Variants in MAGI2 observed in about 807,000 individuals in gnomAD.
MAGI2 encodes the protein membrane associated guanylate kinase, WW and PDZ domain containing 2.
Under a neutral mutation model 133.3 loss-of-function variants are expected in MAGI2, and 35 were observed. That is an observed-to-expected ratio of 0.26 (90% CI 0.20 to 0.35). The LOEUF is 0.35. Ranked by LOEUF, MAGI2 falls within the 10% of genes least tolerant of loss-of-function variation. MAGI2 has a pLI of 1.00. For synonymous variants in MAGI2, 729 were observed against 710.6 expected (o/e 1.03, Z -0.41); for missense variants, 1,636 against 1,863.4 (o/e 0.88, Z 2.25).
At chr7:79,342,394 T>C (rs1840968414) in intron 1 of MAGI2, among the ~76,000 whole-genome samples, 1 of 152,214 alleles carries the variant, frequency 6.6e-6, no homozygotes, top group South Asian at 2.1e-4. Flanking sequence ...TTCAAAACTG[T>C]AGTTGAAGAC....
intron 2 of MAGI2, among the ~76,000 whole-genome samples, chr7:78,882,495 T>TCC (rs897685995): frequency 1.3e-5 from 2 of 151,790 alleles, no homozygotes; most frequent in Admixed American, 1.3e-4. Context: ...AAAAGGGACT[T>TCC]CCCCCTAACT....
intron 3 of MAGI2, among the ~76,000 whole-genome samples, chr7:78,565,654 C>T (rs370046156): frequency 6.6e-6 from 1 of 152,040 alleles, no homozygotes; most frequent in Non-Finnish European, 1.5e-5. Flanking sequence ...ATAGACAACA[C>T]AGCCTTACTA....
At chr7:79,184,784 T>C (rs1241211391) in intron 1 of MAGI2, among the ~76,000 whole-genome samples, 3 of 151,886 alleles carry the variant, frequency 2.0e-5, no homozygotes, top group African/African-American at 7.3e-5. Context: ...AATATTCTCA[T>C]TGCTGTTTAA....
chr7:78,254,034 C>T (rs1041910682), intron 10 of MAGI2: 2 of 152,184 alleles, frequency 1.3e-5, no homozygotes, highest in African/African-American at 4.8e-5. Flanking sequence ...TCACAGCATT[C>T]TGCATTTTGC....
At chr7:78,099,272 A>T (rs900326338) in intron 20 of MAGI2, among the ~76,000 whole-genome samples, 3 of 152,196 alleles carry the variant, frequency 2.0e-5, no homozygotes, top group African/African-American at 7.2e-5. Flanking sequence ...TATTCATATA[A>T]ATCAAAGTTC....
intron 2 of MAGI2, among the ~76,000 whole-genome samples, chr7:78,923,606 A>G (rs564819315): frequency 6.6e-6 from 1 of 152,116 alleles, no homozygotes; most frequent in African/African-American, 2.4e-5. Context: ...GCCTTGTAGT[A>G]TAGTTTGAAG....
chr7:78,111,954 G>A (rs1310425448), intron 20 of MAGI2, among the ~76,000 whole-genome samples: 2 of 152,202 alleles, frequency 1.3e-5, no homozygotes, highest in Non-Finnish European at 2.9e-5. Flanking sequence ...CCCTCGAAAT[G>A]ATCTACCTGA....
chr7:78,732,491 C>A (rs567416539), intron 2 of MAGI2, among the ~76,000 whole-genome samples: 2 of 152,170 alleles, frequency 1.3e-5, no homozygotes, highest in East Asian at 3.9e-4. Context: ...ATTACACATA[C>A]TAAATCTGCA....
rs536430712 is a variant in MAGI2, at chr7:78,302,245, C to T, written c.1408+41533G>A. ...TTTCACATTCTTATTCAGTCATATG[C>T]CAAACTCAGTAGACTATGGAAAAGT... On this transcript the variant is annotated intron_variant, in intron 9 of 21. Transcript: ENST00000354212. Among the ~76,000 whole-genome samples, 23 of 152,246 alleles carry T rather than the reference C, an allele frequency of 1.5e-4. 1 individual carries two copies. The South Asian group carries it at 4.6e-3, about 30-fold the overall frequency.
intron 3 of MAGI2, among the ~76,000 whole-genome samples, chr7:78,610,551 G>A (rs145702300): frequency 3.3e-5 from 5 of 152,130 alleles, no homozygotes; most frequent in Admixed American, 6.5e-5. Flanking sequence ...TTGGTTCCAC[G>A]GTCTAAGAAG....
At chr7:78,964,772 T>C (rs1023768573) in intron 2 of MAGI2, among the ~76,000 whole-genome samples, 4 of 151,962 alleles carry the variant, frequency 2.6e-5, no homozygotes, top group African/African-American at 9.7e-5. Flanking sequence ...GGAACAGAAA[T>C]GAAATGACTT....
chr7:78,489,884 G>T, intron 5 of MAGI2, 44 bp from the exon 6 acceptor site: 2 of 1,358,542 alleles, frequency 1.5e-6, no homozygotes, highest in Non-Finnish European at 2.0e-6. Context: ...ATACTAAAAG[G>T]AATCAAGTTT....
intron 3 of MAGI2, among the ~76,000 whole-genome samples, chr7:78,624,451 G>T (rs554592970): frequency 6.6e-6 from 1 of 152,200 alleles, no homozygotes; most frequent in East Asian, 1.9e-4. Flanking sequence ...ATATACCATG[G>T]AATACTATGC....
In MAGI2 at chr7:78,855,910, G is replaced by A. The variant is rs540310657; in HGVS notation, c.418+151180C>T. ...TTCCTGTTTCTCCACATCCTCTACA[G>A]CACCTGTTGTTTCCTGACTTTTCAA... On this transcript the variant is annotated intron_variant, in intron 2 of 21. Transcript: ENST00000354212. Among the ~76,000 whole-genome samples, 4 of 152,298 alleles carry A rather than the reference G, an allele frequency of 2.6e-5. No homozygotes were observed. In the South Asian group the frequency reaches 8.3e-4, roughly 32 times the overall value.
intron 3 of MAGI2, among the ~76,000 whole-genome samples, chr7:78,600,698 A>T (rs779488784): frequency 4.6e-5 from 7 of 152,148 alleles, no homozygotes; most frequent in Non-Finnish European, 1.0e-4. Flanking sequence ...AGCATCGGTG[A>T]ATTTAATAAA....
chr7:79,020,769 A>G (rs1251833926), intron 1 of MAGI2, among the ~76,000 whole-genome samples: 1 of 151,842 alleles, frequency 6.6e-6, no homozygotes, highest in Non-Finnish European at 1.5e-5. Flanking sequence ...CTGTCTTAAA[A>G]AAAAAAAAAG....
intron 21 of MAGI2, among the ~76,000 whole-genome samples, chr7:78,050,764 C>T (rs571023952): frequency 1.3e-5 from 2 of 152,260 alleles, no homozygotes; most frequent in Middle Eastern, 3.4e-3. Context: ...CTCTAGTTCT[C>T]ATTCTGCCTG....
At chr7:78,149,907 T>G (rs1446982692) in intron 16 of MAGI2, among the ~76,000 whole-genome samples, 1 of 152,068 alleles carries the variant, frequency 6.6e-6, no homozygotes, top group Non-Finnish European at 1.5e-5. Context: ...AAAATGAAAA[T>G]GGCAATGGCA....
At chr7:78,029,150 C>A (rs1259222820) in intron 21 of MAGI2, among the ~76,000 whole-genome samples, 1 of 152,062 alleles carries the variant, frequency 6.6e-6, no homozygotes. Flanking sequence ...CTGAAGATAC[C>A]AAACCCTTTC....
Sources: gnomAD v4.1 joint callset for allele counts (sites outside exome capture counted in the v4.1 genomes callset) on GRCh38, gnomAD v4.1.1 for gene constraint, MANE v1.5 for transcripts, NCBI Gene and HGNC (gene_info 2026-07-23, HGNC 2026-07-21) for gene names.